AQR: variants seen among roughly 807,000 people sequenced by gnomAD.
The protein encoded by AQR is RNA helicase aquarius.
In AQR, 61 loss-of-function variants were observed where a neutral mutation model predicts 180.5. That is an observed-to-expected ratio of 0.34 (90% CI 0.28 to 0.42). The LOEUF (loss-of-function observed/expected upper bound fraction) is 0.42, where lower values mean the gene tolerates loss of function less well. Among genes scored for constraint, AQR ranks in the 10% least tolerant of loss-of-function variants. AQR has a pLI of 1.00. For missense variants in AQR, 1,281 were observed against 1,798.3 expected (o/e 0.71, Z 5.20); for synonymous variants, 551 against 588.8 (o/e 0.94, Z 0.93).
intron 5 of AQR, among the ~76,000 whole-genome samples, chr15:34,946,886 G>T (rs934111557): frequency 7.2e-6 from 1 of 138,144 alleles, no homozygotes; most frequent in African/African-American, 2.9e-5. Context: ...GGAGGGAGGT[G>T]GGGGGGGTCA....
chr15:34,873,832 T>C lies in AQR; in HGVS notation c.3593A>G (p.Tyr1198Cys). ...VGESEPNPYFYQNLGEAEYVV... is the reference protein window; with the variant it reads ...VGESEPNPYFCQNLGEAEYVV... The stretch of plus-strand genomic sequence containing the variant: ...AAGCTTCCTATTTTTTCTTACCTGA[T>C]AGAAGTAAGGATTAGGTTCAGATTC... The change falls in exon 30 of 35, where the codon TAT becomes TGT. Residue 1198 changes from tyrosine to cysteine, a missense_variant. Physicochemically the swap from Tyr to Cys is radical, Grantham distance 194 (BLOSUM62 -2). This residue lies in a region of AQR where 197 missense variants were observed against 320.7 expected (regional missense o/e 0.61). Coordinates refer to ENST00000156471, the MANE Select transcript of AQR (RefSeq NM_014691.3). 3 of 1,570,478 alleles carry C rather than the reference T, an allele frequency of 1.9e-6. No homozygotes were observed. The highest frequency in any genetic ancestry group is 2.6e-6 in the Non-Finnish European group (3 of 1,158,182).
At chr15:34,943,262 A>C in intron 6 of AQR, 1 of 1,599,826 alleles carries the variant, frequency 6.3e-7, no homozygotes, top group Non-Finnish European at 8.5e-7. Context: ...AAAAGGCTAA[A>C]ACTACAAAGA....
chr15:34,902,532 C>T (rs1433956186), intron 19 of AQR, among the ~76,000 whole-genome samples: 2 of 152,054 alleles, frequency 1.3e-5, no homozygotes, highest in Admixed American at 6.6e-5. Flanking sequence ...CTTTTTATGG[C>T]TTTTGGTACC....
rs1326747745 is a variant in AQR, at chr15:34,910,156, G to A, written c.1642C>T (p.His548Tyr). ...TTACCTTCCCATTCATCTTTGATGT[G>A]ATCTCTGACATTGAGATTTATGGTA... ...DVTINLNVRDHIKDEWEGLRK... is the reference protein window; with the variant it reads ...DVTINLNVRDYIKDEWEGLRK... Residue 548 changes from histidine to tyrosine, a missense_variant, in exon 17 of 35, where the codon CAC becomes TAC. By Grantham distance (83) the His-to-Tyr change is moderately conservative. Around this residue, in one of 9 missense-constraint regions of AQR, gnomAD observed 200 missense variants for 293.4 expected, o/e 0.68. Transcript: ENST00000156471. The A allele has an allele frequency of 6.2e-7, 1 of 1,614,072 alleles. No homozygotes were observed.
intron 2 of AQR, among the ~76,000 whole-genome samples, chr15:34,963,829 A>G (rs560417803): frequency 1.2e-3 from 174 of 146,094 alleles, no homozygotes; most frequent in Admixed American, 1.8e-3. Context: ...ATGCCCGGCT[A>G]ATTTTTTGTA....
At chr15:34,870,625 A>G in intron 31 of AQR, 127 bp downstream of exon 31, 1 of 738,836 alleles carries the variant, frequency 1.4e-6, no homozygotes, top group Non-Finnish European at 2.0e-6. Context: ...AGTTATTTAT[A>G]GTTCCCATTA....
intron 23 of AQR, 63 bp downstream of exon 23, chr15:34,893,600 C>T: frequency 1.5e-6 from 2 of 1,338,710 alleles, no homozygotes; most frequent in Non-Finnish European, 2.1e-6. Flanking sequence ...TGTGCATGCG[C>T]ATGCGTGCAC....
rs923299912 is a variant in AQR, at chr15:34,878,011, A to G, written c.3166-2005T>C. On this transcript the variant is annotated intron_variant, in intron 27 of 34. Transcript: ENST00000156471. Reference sequence around the variant, plus strand: ...ACAGACTTTAAATTCTTAGAAAACCATGTTTTAATACTAGCTCTGTAACTG... The same window carrying G: ...ACAGACTTTAAATTCTTAGAAAACCGTGTTTTAATACTAGCTCTGTAACTG... Among the ~76,000 whole-genome samples the G allele has an allele frequency of 2.3e-4, 35 of 152,264 alleles. 1 individual carries two copies. In the Middle Eastern group the frequency reaches 0.01, roughly 44 times the overall value.
At chr15:34,889,764 G>A (rs773523706) in intron 24 of AQR, among the ~76,000 whole-genome samples, 43 of 151,994 alleles carry the variant, frequency 2.8e-4, no homozygotes, top group Admixed American at 3.9e-4. Flanking sequence ...TCTGCCTCCC[G>A]GGTTACAGCG....
intron 8 of AQR, among the ~76,000 whole-genome samples, chr15:34,940,558 A>G (rs1402236095): frequency 1.3e-5 from 2 of 152,166 alleles, no homozygotes; most frequent in African/African-American, 4.8e-5. Flanking sequence ...GTGAAGGAGT[A>G]AGAAAAAGAA....
intron 4 of AQR, among the ~76,000 whole-genome samples, chr15:34,950,217 G>C (rs1313508823): frequency 6.6e-6 from 1 of 150,690 alleles, no homozygotes; most frequent in African/African-American, 2.4e-5. Context: ...AGCCTCCTGA[G>C]TAGCTGAGAT....
chr15:34,918,218 T>C lies in AQR; in HGVS notation c.1342+40A>G, dbSNP rs896123714. ...CAATTATATATGATAAATCTGAAATTGTTTCATTGTACAGCTGAATCCATA... is the reference window on the plus strand; with the variant it reads ...CAATTATATATGATAAATCTGAAATCGTTTCATTGTACAGCTGAATCCATA... On this transcript the variant is annotated intron_variant, in intron 15 of 34. Transcript: ENST00000156471. The C allele has an allele frequency of 3.1e-6, 5 of 1,595,816 alleles. No individual in the cohort carries two copies. The African/African-American group carries it at 6.7e-5, about 22-fold the overall frequency.
At chr15:34,956,567 G>A (rs553289798) in intron 3 of AQR, among the ~76,000 whole-genome samples, 3 of 152,074 alleles carry the variant, frequency 2.0e-5, no homozygotes, top group Admixed American at 6.6e-5. Flanking sequence ...CAGGAGAATC[G>A]CTGGAACCCA....
In AQR at chr15:34,952,831, G is replaced by C. The variant is rs950556497; in HGVS notation, c.209+54C>G. On this transcript the variant is annotated intron_variant, in intron 4 of 34. Transcript: ENST00000156471. The stretch of plus-strand genomic sequence containing the variant: ...TCACAGAAATAACACAGAAAATTTA[G>C]CTAAAACTGAAATCACATTATCTCT... The C allele has an allele frequency of 3.7e-5, 46 of 1,243,742 alleles. No homozygotes were observed. The Middle Eastern group carries it at 5.7e-4, about 15-fold the overall frequency. The allele number at this position is 1,243,742 out of a possible 1,614,324, so 77.0% of individuals were successfully genotyped here.
rs187099522 is a variant in AQR, at chr15:34,931,225, T to A, written c.901-854A>T. Among the ~76,000 whole-genome samples the A allele has an allele frequency of 2.7e-3, 406 of 152,240 alleles. 1 individual carries two copies. The highest frequency in any genetic ancestry group is 9.2e-3 in the African/African-American group (384 of 41,534). ...GCCATCAAAGTCCTTTGGCTTAGTT[T>A]CTCTTGCTAACGAGGCTCTGATGTC... On this transcript the variant is annotated intron_variant, in intron 11 of 34. Coordinates refer to ENST00000156471, the MANE Select transcript of AQR (RefSeq NM_014691.3).
At chr15:34,888,204 A>G (rs1893091257) in intron 24 of AQR, among the ~76,000 whole-genome samples, 1 of 151,940 alleles carries the variant, frequency 6.6e-6, no homozygotes, top group Non-Finnish European at 1.5e-5. Context: ...AGGCTGAGGC[A>G]TGAGAATCCC....
Position 34,940,984 on chromosome 15 carries a change from C to A in AQR, c.556G>T (p.Glu186Ter). 1.2e-6 allele frequency: 2 copies of A among 1,604,904 alleles called. No individual in the cohort carries two copies. The highest frequency in any genetic ancestry group is 1.7e-6 in the Non-Finnish European group (2 of 1,175,118). ...CTTAGCTTAGGTGTCTTTTTTAATT[C>A]TAATTCCAATCGTGCCTGAAGAAGA... ...MGLQLARLELELKKTPKLRKF... is the reference protein window; with the variant it reads ...MGLQLARLEL The change falls in exon 8 of 35, where the codon GAA becomes TAA. Residue 186 changes from glutamate to a stop codon, truncating the protein, a stop_gained. Transcript: ENST00000156471. LOFTEE classifies it high-confidence loss of function.
intron 14 of AQR, among the ~76,000 whole-genome samples, chr15:34,918,770 C>G (rs1315677099): frequency 6.6e-6 from 1 of 152,210 alleles, no homozygotes; most frequent in African/African-American, 2.4e-5. Context: ...TAGCATTAAT[C>G]AATGTAGGAA....
At chr15:34,949,224 C>T (rs975170141) in intron 4 of AQR, among the ~76,000 whole-genome samples, 1 of 151,702 alleles carries the variant, frequency 6.6e-6, no homozygotes, top group African/African-American at 2.4e-5. Flanking sequence ...GAACTCCCAA[C>T]CTCAGGATCG....
Sources: allele counts gnomAD v4.1 joint callset (sites outside exome capture counted in the v4.1 genomes callset), GRCh38; gene constraint gnomAD v4.1.1; regional missense constraint gnomAD v4.1.1; transcripts MANE v1.5; gene names NCBI Gene and HGNC (gene_info 2026-07-23, HGNC 2026-07-21).